Variants in LRRC37A3 observed in about 807,000 individuals in gnomAD.
LRRC37A3 encodes the protein leucine rich repeat containing 37 member A3, also known as leucine-rich repeat-containing protein 37A3.
LRRC37A3 carries 25 observed loss-of-function variants against 106.2 expected under a neutral mutation model. That is an observed-to-expected ratio of 0.24 (90% CI 0.17 to 0.33). The LOEUF is 0.33. LRRC37A3 is among the 10% of genes least tolerant of loss of function. The pLI is 1.00. For synonymous variants in LRRC37A3, 305 were observed against 635.8 expected (o/e 0.48, Z 7.83); for missense variants, 712 against 1,644.9 (o/e 0.43, Z 9.81).
intron 10 of LRRC37A3, among the ~76,000 whole-genome samples, chr17:64,867,541 T>C (rs1339932977): frequency 1.3e-5 from 2 of 152,138 alleles, no homozygotes; most frequent in East Asian, 1.9e-4. Context: ...AATGTTTGTA[T>C]ACAGCCTCAG....
At chr17:64,866,991 A>C (rs1464649127) in intron 10 of LRRC37A3, among the ~76,000 whole-genome samples, 2 of 151,490 alleles carry the variant, frequency 1.3e-5, no homozygotes, top group Admixed American at 1.3e-4. Flanking sequence ...TCACATATGC[A>C]AATTAACTCA....
intron 2 of LRRC37A3, among the ~76,000 whole-genome samples, chr17:64,908,906 A>G (rs1412399637): frequency 6.7e-6 from 1 of 150,346 alleles, no homozygotes; most frequent in African/African-American, 2.5e-5. Flanking sequence ...CTCTAAAAAT[A>G]TTTTAAGAAG....
intron 11 of LRRC37A3, among the ~76,000 whole-genome samples, chr17:64,861,952 C>T (rs890446893): frequency 6.6e-6 from 1 of 152,030 alleles, no homozygotes; most frequent in Non-Finnish European, 1.5e-5. Flanking sequence ...GGGGAAGAAA[C>T]ATGGGCTTGG....
intron 8 of LRRC37A3, among the ~76,000 whole-genome samples, chr17:64,872,131 C>CAAA (rs1225535618): frequency 1.8e-4 from 4 of 22,608 alleles, no homozygotes; most frequent in African/African-American, 5.0e-4. Flanking sequence ...GACTCTGTCT[C>CAAA]AAAAAAAAAA....
At chr17:64,878,269 G>C (rs1348804352) in intron 8 of LRRC37A3, among the ~76,000 whole-genome samples, 2 of 152,046 alleles carry the variant, frequency 1.3e-5, no homozygotes, top group Admixed American at 1.3e-4. Flanking sequence ...TTTTAAAGAA[G>C]AATAAGACAT....
chr17:64,861,503 T>A (rs903219781), intron 11 of LRRC37A3, among the ~76,000 whole-genome samples: 2 of 152,202 alleles, frequency 1.3e-5, no homozygotes, highest in Non-Finnish European at 2.9e-5. Flanking sequence ...TGACAGATCC[T>A]CATCTGGCAT....
At chr17:64,875,947 A>G (rs1039412617) in intron 8 of LRRC37A3, among the ~76,000 whole-genome samples, 2 of 152,176 alleles carry the variant, frequency 1.3e-5, no homozygotes, top group African/African-American at 4.8e-5. Context: ...TTTGTATACC[A>G]TTGAAACAAA....
intron 8 of LRRC37A3, among the ~76,000 whole-genome samples, chr17:64,877,223 T>C (rs1384070095): frequency 2.0e-5 from 3 of 151,880 alleles, no homozygotes; most frequent in Non-Finnish European, 2.9e-5. Context: ...CCCATCTCCA[T>C]TGGAGTCTCA....
rs1217902042 is a variant in LRRC37A3, at chr17:64,859,537, A to T, written c.4609T>A (p.Ser1537Thr). ...TGGTCCGTATCCCATTCTATCTTGGATGCCTTTACTTCCTGCTGCCCACTG... is the reference window on the plus strand; with the variant it reads ...TGGTCCGTATCCCATTCTATCTTGGTTGCCTTTACTTCCTGCTGCCCACTG... ...LLSGQQEVKA[S>T]KIEWDTDQWK... The change falls in exon 12 of 15, where the codon TCC (serine) becomes ACC (threonine). Residue 1537 changes from serine (S) to threonine (T), a missense_variant. Transcript: ENST00000584306. The T allele has an allele frequency of 2.5e-6, 4 of 1,611,182 alleles. No homozygotes were observed. The highest frequency in any genetic ancestry group is 2.5e-6 in the Non-Finnish European group (3 of 1,179,624).
chr17:64,857,336 A>G (rs1313023429), intron 13 of LRRC37A3, among the ~76,000 whole-genome samples: 1 of 152,274 alleles, frequency 6.6e-6, no homozygotes, highest in Non-Finnish European at 1.5e-5. Flanking sequence ...GATGTGTAAG[A>G]TCTATATATG....
intron 8 of LRRC37A3, among the ~76,000 whole-genome samples, chr17:64,884,245 T>A (rs1973798974): frequency 6.8e-6 from 1 of 146,752 alleles, no homozygotes; most frequent in Non-Finnish European, 1.5e-5. Flanking sequence ...ACACTCTGAA[T>A]GTTTTTGAGT....
Position 64,882,569 on chromosome 17 carries a change from CAG to C in LRRC37A3, c.2906+3515_2906+3516del, listed in dbSNP as rs1421812835. On this transcript the variant is annotated intron_variant, in intron 8 of 14. Coordinates refer to ENST00000584306, the MANE Select transcript of LRRC37A3 (RefSeq NM_199340.5). ...ATCAGAGAAGAAGCTGCCAGGATTC[CAG>C]TACATACCAAAACATGATGACAATA... is the stretch of plus-strand genomic sequence containing the variant. 2.6e-5 allele frequency among the ~76,000 whole-genome samples: 4 copies of C among 152,078 alleles called. No individual in the cohort carries two copies. In the East Asian group the frequency reaches 7.7e-4, roughly 29 times the overall value.
chr17:64,855,741 G>T (rs1279326243), intron 14 of LRRC37A3, 99 bp downstream of exon 14: 13 of 1,573,990 alleles, frequency 8.3e-6, no homozygotes, highest in Non-Finnish European at 1.1e-5. Context: ...AGTGGAGGTT[G>T]CCGTGAGCCG....
chr17:64,913,486 G>A (rs1050815077), intron 2 of LRRC37A3, among the ~76,000 whole-genome samples: 18 of 152,072 alleles, frequency 1.2e-4, no homozygotes, highest in African/African-American at 4.3e-4. Context: ...GACTACAGAC[G>A]TGTGCCACCA....
At chr17:64,859,319 A>C in intron 12 of LRRC37A3, 123 bp downstream of exon 12, 1 of 1,114,624 alleles carries the variant, frequency 9.0e-7, no homozygotes, top group Non-Finnish European at 1.3e-6. Flanking sequence ...CACTGTCATG[A>C]CCAAAGTTAC....
chr17:64,872,783 A>G (rs1024848083), intron 8 of LRRC37A3, among the ~76,000 whole-genome samples: 1 of 152,146 alleles, frequency 6.6e-6, no homozygotes, highest in Non-Finnish European at 1.5e-5. Context: ...TCTCACGCGC[A>G]TGCATAGGGC....
In LRRC37A3 at chr17:64,860,743, T is replaced by C. The variant is rs763291404; in HGVS notation, c.3403A>G (p.Lys1135Glu). 97 of 1,613,966 alleles carry C rather than the reference T, an allele frequency of 6.0e-5. No homozygotes were observed. The highest frequency in any genetic ancestry group is 8.3e-5 in the Admixed American group (5 of 59,994). The change falls in exon 12 of 15, where the codon AAA (lysine) becomes GAA (glutamate). Residue 1135 changes from lysine (K) to glutamate (E), a missense_variant. Coordinates refer to ENST00000584306, the MANE Select transcript of LRRC37A3 (RefSeq NM_199340.5). ...TTAATGAACGGTAGTAACAGTGATTTCACATCTAGGTTAACGGCTGAGAAA... is the reference window on the plus strand; with the variant it reads ...TTAATGAACGGTAGTAACAGTGATTCCACATCTAGGTTAACGGCTGAGAAA... Reference protein sequence around the residue: ...PYFSAVNLDVKSLLLPFIKLP... With the variant: ...PYFSAVNLDVESLLLPFIKLP...
chr17:64,863,284 C>T (rs1210848356), intron 10 of LRRC37A3: 17 of 466,844 alleles, frequency 3.6e-5, no homozygotes, highest in Non-Finnish European at 3.9e-5. Context: ...TCAGAAGTAT[C>T]TCTTCCCAAC....
intron 13 of LRRC37A3, among the ~76,000 whole-genome samples, chr17:64,857,342 A>T (rs552988591): frequency 6.6e-6 from 1 of 152,396 alleles, no homozygotes; most frequent in South Asian, 2.1e-4. Context: ...TAAGATCTAT[A>T]TATGGAAACA....
Sources: gnomAD v4.1 joint callset for allele counts (sites outside exome capture counted in the v4.1 genomes callset) on GRCh38, gnomAD v4.1.1 for gene constraint, MANE v1.5 for transcripts, NCBI Gene and HGNC (gene_info 2026-07-23, HGNC 2026-07-21) for gene names.